The following SI variants were observed in gnomAD, a reference collection of about 807,000 sequenced individuals.
The protein encoded by SI is sucrase-isomaltase.
A neutral mutation model predicts 253.3 loss-of-function variants in SI; 235 were observed. The ratio of observed to expected loss-of-function variants is 0.93; its 90% CI spans 0.83 to 1.03. SI has a LOEUF of 1.03. Ranked by LOEUF, SI falls within the 50% of genes least tolerant of loss-of-function variation. The pLI is 0.00. For synonymous variants in SI, 819 were observed against 712.0 expected (o/e 1.15, Z -2.39); for missense variants, 2,442 against 2,211.1 (o/e 1.10, Z -2.09).
At position 164,994,378 on chromosome 3, in the gene SI, T is replaced by G; in HGVS notation, c.4720A>C (p.Thr1574Pro). ...ATATTCCTTGACATTTCAGCAAAAGTTTCATTCCAGGAAGCGGGATCTTGT... is the reference window on the plus strand; with the variant it reads ...ATATTCCTTGACATTTCAGCAAAAGGTTCATTCCAGGAAGCGGGATCTTGT... Reference protein sequence around the residue: ...RRQDPASWNETFAEMSRNILN... With the variant: ...RRQDPASWNEPFAEMSRNILN... Residue 1574 changes from threonine (T) to proline (P), a missense_variant, in exon 41 of 48, where the codon ACT (threonine) becomes CCT (proline). Physicochemically the swap from Thr to Pro is conservative, Grantham distance 38 (BLOSUM62 -1). Coordinates refer to ENST00000264382, the MANE Select transcript of SI (RefSeq NM_001041.4). The G allele has an allele frequency of 6.2e-7, 1 of 1,611,114 alleles. No homozygotes were observed. Among genetic ancestry groups the G allele is most frequent in the Non-Finnish European group, 8.5e-7 (1 of 1,177,896 alleles).
At chr3:165,073,365 C>A (rs966552340) in intron 3 of SI, among the ~76,000 whole-genome samples, 2 of 152,020 alleles carry the variant, frequency 1.3e-5, no homozygotes, top group Non-Finnish European at 2.9e-5. Flanking sequence ...CCACTTTCCT[C>A]AGTGTATCTC....
rs769259229 is a variant in SI at position 165,021,251 on chromosome 3, G to A, written c.3232C>T (p.Arg1078Trp). The A allele has an allele frequency of 2.7e-5, 44 of 1,610,518 alleles. No homozygotes were observed. The highest frequency in any genetic ancestry group is 3.3e-5 in the Admixed American group (2 of 59,702). ...TACATGACTCTTCCACTGCTTCTCC[G>A]TCGAATCTGGATGCCAAAAGGATTT... ...KENPFGIQIR[R>W]RSSGRVIWDS... is the part of the protein sequence containing the mutation. The change falls in exon 27 of 48, where the codon CGG becomes TGG. Residue 1078 changes from arginine (R) to tryptophan (W), a missense_variant. By Grantham distance (101) the Arg-to-Trp change is moderately radical. Coordinates refer to ENST00000264382, the MANE Select transcript of SI (RefSeq NM_001041.4).
intron 31 of SI, among the ~76,000 whole-genome samples, chr3:165,016,848 A>T (rs1719054955): frequency 6.6e-6 from 1 of 151,932 alleles, no homozygotes; most frequent in Admixed American, 6.6e-5. Context: ...TGTATTGTCA[A>T]CATATATAAT....
At chr3:165,064,314 A>T (rs185216226) in intron 7 of SI, among the ~76,000 whole-genome samples, 2 of 152,054 alleles carry the variant, frequency 1.3e-5, no homozygotes, top group Non-Finnish European at 2.9e-5. Flanking sequence ...CTGACTAATT[A>T]GATATGGATT....
Position 165,059,318 on chromosome 3 carries a change from T to C in SI, c.1147-19A>G. 1.2e-6 allele frequency: 2 copies of C among 1,609,664 alleles called. No homozygotes were observed. Among genetic ancestry groups the C allele is most frequent in the South Asian group, 1.1e-5 (1 of 91,004 alleles). On this transcript the variant is annotated intron_variant, in intron 10 of 47. Coordinates refer to ENST00000264382, the MANE Select transcript of SI (RefSeq NM_001041.4). Reference sequence around the variant, plus strand: ...GTGTATCCTGAAAGTTAGAAGATTGTATTTCAATACATAGTACTGAAAGAG... The same window carrying C: ...GTGTATCCTGAAAGTTAGAAGATTGCATTTCAATACATAGTACTGAAAGAG...
At chr3:165,056,486 A>C (rs1560011095) in intron 12 of SI, among the ~76,000 whole-genome samples, 1 of 152,126 alleles carries the variant, frequency 6.6e-6, no homozygotes, top group Non-Finnish European at 1.5e-5. Flanking sequence ...TTAGCATCAT[A>C]TCAAGTGAAG....
chr3:164,999,697 A>C (rs1718174273), intron 37 of SI, among the ~76,000 whole-genome samples: 1 of 151,626 alleles, frequency 6.6e-6, no homozygotes, highest in Non-Finnish European at 1.5e-5. Context: ...GCTATACTTT[A>C]ATCTTCCTTG....
intron 27 of SI, 50 bp downstream of exon 27, chr3:165,021,179 C>T (rs747911346): frequency 4.7e-5 from 72 of 1,533,636 alleles, no homozygotes; most frequent in East Asian, 2.0e-4. Flanking sequence ...CTTTTCCCTT[C>T]GTAAGCTAAA....
the SI span, among the ~76,000 whole-genome samples, chr3:165,090,194 G>A: frequency 6.7e-6 from 1 of 149,896 alleles, no homozygotes; most frequent in Non-Finnish European, 1.5e-5. Flanking sequence ...CCCCCGCATT[G>A]TCTCTGCCAG....
intron 37 of SI, among the ~76,000 whole-genome samples, chr3:165,003,076 C>T (rs1490684621): frequency 8.6e-5 from 13 of 151,776 alleles, no homozygotes; most frequent in Non-Finnish European, 2.9e-5. Flanking sequence ...TTACCTGTAT[C>T]TACCTTGAAC....
Position 165,007,980 on chromosome 3 carries a change from T to C in SI, c.4198A>G (p.Ser1400Gly). 6.3e-7 allele frequency: 1 copy of C among 1,577,728 alleles called. No homozygotes were observed. The highest frequency in any genetic ancestry group is 8.7e-7 in the Non-Finnish European group (1 of 1,148,032). Residue 1400 changes from serine (S) to glycine (G), a missense_variant, in exon 36 of 48, where the codon AGT becomes GGT. By Grantham distance (56) the Ser-to-Gly change is moderately conservative (BLOSUM62 0). Coordinates refer to ENST00000264382, the MANE Select transcript of SI (RefSeq NM_001041.4). The stretch of plus-strand genomic sequence containing the variant: ...TTAGTAGTTGTTCCATTTACAAAAC[T>C]TGATGGCTCATTCATATCCTTAAAA... ...GLWIDMNEPS[S>G]FVNGTTTNQC...
In SI at chr3:164,983,039, C is replaced by A; in HGVS notation, c.5210G>T (p.Arg1737Ile). 1 of 1,546,010 alleles carries A rather than the reference C, an allele frequency of 6.5e-7. No individual in the cohort carries two copies. The highest frequency in any genetic ancestry group is 1.1e-5 in the South Asian group (1 of 89,996). Residue 1737 changes from arginine to isoleucine, a missense_variant, in exon 46 of 48, where the codon AGA (arginine) becomes ATA (isoleucine). Arg to Ile is a moderately conservative substitution (Grantham distance 97). Coordinates refer to ENST00000264382, the MANE Select transcript of SI (RefSeq NM_001041.4). ...AAATTGTACAGATAAATATAGGTCT[C>A]TTTCATAGGTGTCTGTAGAGAGAGA... ...DDGESIDTYERDLYLSVQFNL... is the reference protein window; with the variant it reads ...DDGESIDTYEIDLYLSVQFNL...
chr3:165,051,918 T>C (rs1384094228), intron 13 of SI, among the ~76,000 whole-genome samples: 1 of 151,960 alleles, frequency 6.6e-6, no homozygotes, highest in Non-Finnish European at 1.5e-5. Flanking sequence ...TTCAACATGA[T>C]TGAATCAGAA....
In SI at chr3:165,036,388, C is replaced by T. The variant is rs758006950; in HGVS notation, c.2515+1G>A. 1 of 1,601,652 alleles carries T rather than the reference C, an allele frequency of 6.2e-7. No individual in the cohort carries two copies. Among genetic ancestry groups the T allele is most frequent in the Non-Finnish European group, 8.6e-7 (1 of 1,169,424 alleles). Reference sequence around the variant, plus strand: ...TTAAAGCGTATTACTTTCAGACTTACCTTTAGTTTCTCCATCATCCCAGAA... The same window carrying T: ...TTAAAGCGTATTACTTTCAGACTTATCTTTAGTTTCTCCATCATCCCAGAA... On this transcript the variant is annotated splice_donor_variant, in intron 22 of 47. Transcript: ENST00000264382. LOFTEE classifies it high-confidence loss of function.
chr3:165,068,982 A>G (rs1576921768), intron 4 of SI, 96 bp downstream of exon 4: 2 of 1,062,206 alleles, frequency 1.9e-6, no homozygotes, highest in East Asian at 4.8e-5. Flanking sequence ...ATTCTCAGGA[A>G]CATATTTCTT....
At chr3:164,996,429 A>G (rs1297453373) in intron 40 of SI, 106 bp downstream of exon 40, 1 of 772,232 alleles carries the variant, frequency 1.3e-6, no homozygotes, top group East Asian at 2.5e-5. Flanking sequence ...CCAAAATTAT[A>G]TATAACATCA....
chr3:165,051,049 T>C (rs1713401755), intron 13 of SI, among the ~76,000 whole-genome samples: 1 of 152,002 alleles, frequency 6.6e-6, no homozygotes, highest in African/African-American at 2.4e-5. Context: ...TTTAAACACA[T>C]GTAATGGTGA....
chr3:165,074,761 GA>G, intron 2 of SI, 94 bp from the exon 3 acceptor site: 6 of 1,026,532 alleles, frequency 5.8e-6, no homozygotes, highest in Non-Finnish European at 8.8e-6. Context: ...AAGAATACAT[GA>G]ATTCATATAA....
intron 18 of SI, among the ~76,000 whole-genome samples, chr3:165,040,240 G>A (rs941963964): frequency 3.3e-4 from 50 of 151,008 alleles, no homozygotes; most frequent in Admixed American, 6.0e-4. Flanking sequence ...GGAGGGGAGG[G>A]AGGATAGGAG....
Sources: allele counts gnomAD v4.1 joint callset (sites outside exome capture counted in the v4.1 genomes callset), GRCh38; gene constraint gnomAD v4.1.1; transcripts MANE v1.5; gene names NCBI Gene and HGNC (gene_info 2026-07-23, HGNC 2026-07-21).